DOCK4: variants seen among roughly 807,000 people sequenced by gnomAD.
DOCK4 encodes dedicator of cytokinesis protein 4.
A neutral mutation model predicts 268.1 loss-of-function variants in DOCK4; 97 were observed. The ratio of observed to expected loss-of-function variants is 0.36; its 90% CI spans 0.31 to 0.43. The LOEUF is 0.43. Among genes scored for constraint, DOCK4 ranks in the 20% least tolerant of loss-of-function variants. DOCK4 has a pLI of 1.00. For synonymous variants in DOCK4, 954 were observed against 887.2 expected, an observed-to-expected ratio of 1.08 and a Z score of -1.34; for missense variants, 2,145 against 2,455.7, an observed-to-expected ratio of 0.87 and a Z score of 2.67.
At chr7:112,139,630 C>G (rs1188927168) in intron 1 of DOCK4, among the ~76,000 whole-genome samples, 1 of 151,926 alleles carries the variant, frequency 6.6e-6, no homozygotes, top group African/African-American at 2.4e-5. Flanking sequence ...TGTAGCCAAG[C>G]GTGACAAAAT....
intron 39 of DOCK4, among the ~76,000 whole-genome samples, chr7:111,763,950 C>T (rs1797613503): frequency 6.6e-6 from 1 of 152,176 alleles, no homozygotes; most frequent in Non-Finnish European, 1.5e-5. Flanking sequence ...CTCAGCCTCC[C>T]AAGTTTTTGG....
intron 24 of DOCK4, among the ~76,000 whole-genome samples, chr7:111,845,921 G>T (rs1048781243): frequency 1.3e-5 from 2 of 152,134 alleles, no homozygotes; most frequent in Non-Finnish European, 2.9e-5. Flanking sequence ...ATAGAGGCGG[G>T]TTTAAAACTG....
chr7:111,820,051 T>G (rs1277275153), intron 27 of DOCK4: 3 of 152,236 alleles, frequency 2.0e-5, no homozygotes, highest in Non-Finnish European at 4.4e-5. Flanking sequence ...CAATATTATA[T>G]GGGTTAATAT....
At chr7:112,111,754 C>A (rs1336166748) in intron 1 of DOCK4, among the ~76,000 whole-genome samples, 1 of 152,140 alleles carries the variant, frequency 6.6e-6, no homozygotes, top group Non-Finnish European at 1.5e-5. Flanking sequence ...CAGAGTAGGA[C>A]CTGCCGGCCT....
At chr7:111,741,018 A>G in intron 47 of DOCK4, 76 bp downstream of exon 47, 1 of 1,555,224 alleles carries the variant, frequency 6.4e-7, no homozygotes, top group East Asian at 2.2e-5. Flanking sequence ...TCATCAGCAC[A>G]GCAGAATGAA....
intron 28 of DOCK4, among the ~76,000 whole-genome samples, chr7:111,809,786 T>C (rs1800948606): frequency 1.3e-5 from 2 of 152,238 alleles, no homozygotes; most frequent in African/African-American, 4.8e-5. Flanking sequence ...GATGGATTTC[T>C]TTATTCCTGT....
chr7:112,008,703 A>G (rs775335811), intron 1 of DOCK4, among the ~76,000 whole-genome samples: 1 of 152,190 alleles, frequency 6.6e-6, no homozygotes, highest in African/African-American at 2.4e-5. Context: ...CAAAGTATTA[A>G]GAATTATTGG....
At chr7:111,973,914 C>T (rs1215475460) in intron 8 of DOCK4, among the ~76,000 whole-genome samples, 25 of 152,094 alleles carry the variant, frequency 1.6e-4, no homozygotes, top group Admixed American at 1.6e-3. Flanking sequence ...AAAACACTCA[C>T]AAATAAGAAG....
At chr7:112,060,038 T>C (rs539940020) in intron 1 of DOCK4, among the ~76,000 whole-genome samples, 40 of 152,370 alleles carry the variant, frequency 2.6e-4, no homozygotes, top group Non-Finnish European at 2.9e-5. Flanking sequence ...ATATTCATTT[T>C]TGGAACTCCA....
chr7:111,934,948 C>CT (rs928322293), intron 12 of DOCK4, among the ~76,000 whole-genome samples: 78 of 145,574 alleles, frequency 5.4e-4, no homozygotes, highest in Non-Finnish European at 4.9e-4. Context: ...TTTTAGCTTG[C>CT]TTTTTTTTTT....
chr7:111,975,719 G>A (rs1798107703), intron 8 of DOCK4, among the ~76,000 whole-genome samples: 1 of 152,022 alleles, frequency 6.6e-6, no homozygotes. Flanking sequence ...GAAATAAAAA[G>A]TACACTTACT....
intron 16 of DOCK4, among the ~76,000 whole-genome samples, chr7:111,893,265 A>G (rs1808443054): frequency 6.6e-6 from 1 of 152,160 alleles, no homozygotes; most frequent in Non-Finnish European, 1.5e-5. Flanking sequence ...TGGCATTTTA[A>G]GCATATGCAT....
intron 26 of DOCK4, among the ~76,000 whole-genome samples, chr7:111,823,562 A>G (rs763411253): frequency 6.6e-6 from 1 of 152,164 alleles, no homozygotes; most frequent in Non-Finnish European, 1.5e-5. Context: ...GCTATAGCAT[A>G]CAATACTTAA....
intron 7 of DOCK4, 30 bp from the exon 8 acceptor site, chr7:111,977,313 T>A (rs761148360): frequency 1.3e-5 from 21 of 1,576,016 alleles, no homozygotes; most frequent in Non-Finnish European, 1.8e-5. Context: ...AAAAACATGA[T>A]CAGCATGGAC....
intron 1 of DOCK4, among the ~76,000 whole-genome samples, chr7:112,027,247 G>A (rs1802881383): frequency 6.6e-6 from 1 of 151,986 alleles, no homozygotes; most frequent in Non-Finnish European, 1.5e-5. Flanking sequence ...GTTTTTGAGA[G>A]AGAGTCTCGC....
At chr7:111,733,538 G>A (rs140729810) in intron 51 of DOCK4, among the ~76,000 whole-genome samples, 186 of 152,252 alleles carry the variant, frequency 1.2e-3, no homozygotes, top group Admixed American at 1.7e-3. Context: ...TGATCCTGAC[G>A]GAGAACTATG....
chr7:111,976,819 T>C (rs1320296097), intron 8 of DOCK4: 2 of 191,622 alleles, frequency 1.0e-5, no homozygotes, highest in African/African-American at 4.7e-5. Flanking sequence ...CCAGAGAATC[T>C]GTATCTTCTT....
At position 111,746,408 on chromosome 7, in the gene DOCK4, C is replaced by T. The variant is rs755075426; in HGVS notation, c.4603G>A (p.Val1535Ile). Residue 1535 changes from valine (V) to isoleucine (I), a missense_variant, in exon 44 of 53, where the codon GTC becomes ATC. Transcript: ENST00000428084. ...GVSRYQEAFF[V>I]KEYILSHPED... Reference sequence around the variant, plus strand: ...GGGTGACTTAAGATATATTCTTTGACAAAGAATGCCTAGTAAGGGAAAGGA... The same window carrying T: ...GGGTGACTTAAGATATATTCTTTGATAAAGAATGCCTAGTAAGGGAAAGGA... The T allele has an allele frequency of 1.2e-6, 2 of 1,608,910 alleles. No homozygotes were observed. Among genetic ancestry groups the T allele is most frequent in the Non-Finnish European group, 1.7e-6 (2 of 1,176,954 alleles).
At chr7:111,844,200 C>T (rs1194909337) in intron 25 of DOCK4, among the ~76,000 whole-genome samples, 1 of 152,100 alleles carries the variant, frequency 6.6e-6, no homozygotes, top group Non-Finnish European at 1.5e-5. Context: ...TACTTGAACC[C>T]GGGAGATGGA....
Sources: gnomAD v4.1 joint callset for allele counts (sites outside exome capture counted in the v4.1 genomes callset) on GRCh38, gnomAD v4.1.1 for gene constraint, MANE v1.5 for transcripts, NCBI Gene and HGNC (gene_info 2026-07-23, HGNC 2026-07-21) for gene names.